GNA13: variants seen among roughly 807,000 people sequenced by gnomAD.
GNA13 encodes the protein G protein subunit alpha 13.
A neutral mutation model predicts 33.5 loss-of-function variants in GNA13; 4 were observed. That is an observed-to-expected ratio of 0.12 (90% CI 0.06 to 0.27). GNA13 has a LOEUF of 0.27. Ranked by LOEUF, GNA13 falls within the 10% of genes least tolerant of loss-of-function variation. GNA13 has a pLI of 1.00. For synonymous variants in GNA13, 176 were observed against 183.8 expected, an observed-to-expected ratio of 0.96 and a Z score of 0.34; for missense variants, 319 against 487.2, an observed-to-expected ratio of 0.65 and a Z score of 3.25.
At position 65,012,927 on chromosome 17, in the gene GNA13, T is replaced by C; in HGVS notation, c.*1330A>G. 1 of 222,400 alleles carries C rather than the reference T, an allele frequency of 4.5e-6. No homozygotes were observed. The highest frequency in any genetic ancestry group is 9.0e-6 in the Non-Finnish European group (1 of 111,260). 13.8% of individuals were successfully genotyped at this position (222,400 alleles called of 1,614,324 possible). A position where few individuals can be genotyped will look rare whatever the true frequency, so the allele number is the denominator to read the frequency against. ...CAGTACTGCAAACCAGCCATTCTGA[T>C]GAGTTCACTATGAATGTATCTGCGA... On this transcript the variant is annotated 3_prime_UTR_variant, in exon 4 of 4. Coordinates refer to ENST00000439174, the MANE Select transcript of GNA13 (RefSeq NM_006572.6).
At position 65,024,963 on chromosome 17, in the gene GNA13, C is replaced by T. The variant is rs187276738; in HGVS notation, c.511-6660G>A. Among the ~76,000 whole-genome samples, 27 of 152,206 alleles carry T rather than the reference C, an allele frequency of 1.8e-4. No homozygotes were observed. The East Asian group carries it at 5.0e-3, about 28-fold the overall frequency. ...TACAGTGGCACAATGTAGCCACTGT[C>T]GAGGCTCACTGTAGCCTTGACCACC... On this transcript the variant is annotated intron_variant, in intron 2 of 3. Transcript: ENST00000439174.
At chr17:65,016,083 T>G (rs1337824989) in intron 3 of GNA13, among the ~76,000 whole-genome samples, 1 of 152,220 alleles carries the variant, frequency 6.6e-6, no homozygotes, top group African/African-American at 2.4e-5. Flanking sequence ...CTCTGGCTAC[T>G]CTGTGATGGC....
chr17:65,034,423 C>T (rs577412641), intron 2 of GNA13, among the ~76,000 whole-genome samples: 5 of 151,036 alleles, frequency 3.3e-5, no homozygotes, highest in East Asian at 3.9e-4. Context: ...CTCAGCCTCC[C>T]GAGTAGCTGG....
chr17:65,039,546 T>C (rs1264880146), intron 2 of GNA13, among the ~76,000 whole-genome samples: 2 of 152,194 alleles, frequency 1.3e-5, no homozygotes, highest in East Asian at 3.8e-4. Context: ...TGACCAGCAG[T>C]AAGTTTTTTT....
chr17:65,021,917 A>T (rs1373410974), intron 2 of GNA13, among the ~76,000 whole-genome samples: 1 of 152,234 alleles, frequency 6.6e-6, no homozygotes, highest in Non-Finnish European at 1.5e-5. Context: ...TCCTCAACAC[A>T]GTACCACTGA....
intron 2 of GNA13, among the ~76,000 whole-genome samples, chr17:65,051,116 C>A (rs1392397708): frequency 6.6e-6 from 1 of 152,168 alleles, no homozygotes; most frequent in Non-Finnish European, 1.5e-5. Context: ...GGACTTAGGG[C>A]AAATACGGAA....
chr17:65,056,249 G>GCCCCCCCCGCC, intron 1 of GNA13, 62 bp downstream of exon 1: 1 of 774,834 alleles, frequency 1.3e-6, no homozygotes, highest in Non-Finnish European at 2.0e-6. Context: ...GCCCCGCCCC[G>GCCCCCCCCGCC]CACCCGCCGC....
In GNA13 at chr17:65,011,020, C is replaced by T. The variant is rs183637284; in HGVS notation, c.*3237G>A. ...TCTTCATATATAAATAAGGCATAATCGGATGTGTATTAATGCTGAAAATAC... is the reference window on the plus strand; with the variant it reads ...TCTTCATATATAAATAAGGCATAATTGGATGTGTATTAATGCTGAAAATAC... On this transcript the variant is annotated 3_prime_UTR_variant, in exon 4 of 4. Transcript: ENST00000439174. The T allele has an allele frequency of 3.0e-5, 6 of 198,156 alleles. No individual in the cohort carries two copies. Among genetic ancestry groups the T allele is most frequent in the South Asian group, 1.9e-4 (1 of 5,214 alleles). 12.3% of individuals were successfully genotyped at this position (198,156 alleles called of 1,614,324 possible). A position where few individuals can be genotyped will look rare whatever the true frequency, so the allele number is the denominator to read the frequency against.
chr17:65,035,379 G>C (rs1303197501), intron 2 of GNA13, among the ~76,000 whole-genome samples: 4 of 152,080 alleles, frequency 2.6e-5, no homozygotes, highest in Non-Finnish European at 5.9e-5. Context: ...AAATGAACAG[G>C]ATATAAAGTT....
intron 2 of GNA13, among the ~76,000 whole-genome samples, chr17:65,049,075 G>A (rs1907770602): frequency 6.6e-6 from 1 of 151,904 alleles, no homozygotes; most frequent in Non-Finnish European, 1.5e-5. Context: ...TTCCCAGAAG[G>A]AACTTAATGT....
intron 2 of GNA13, among the ~76,000 whole-genome samples, chr17:65,018,983 A>G (rs1429611567): frequency 6.6e-6 from 1 of 152,200 alleles, no homozygotes; most frequent in Non-Finnish European, 1.5e-5. Flanking sequence ...GAGGGGAACT[A>G]TTTTGGGAAA....
intron 2 of GNA13, among the ~76,000 whole-genome samples, chr17:65,048,109 C>T (rs1331478906): frequency 6.6e-6 from 1 of 152,182 alleles, no homozygotes; most frequent in Admixed American, 6.5e-5. Context: ...TGTATTAATG[C>T]TGACAATGTT....
In GNA13 at chr17:65,018,264, GT is replaced by G; in HGVS notation, c.549del (p.Lys183AsnfsTer31). ...GTTTAAACACTTACTGGTTCTCCAAGTTTATCCAAGTTATCCAGGAAATATT... is the reference window on the plus strand; with the variant it reads ...GTTTAAACACTTACTGGTTCTCCAAGTTATCCAAGTTATCCAGGAAATATT... The part of the protein sequence containing the change: ...SVKYFLDNLD[K>X]LGEPDYIPSQ... On this transcript the variant is annotated frameshift_variant, in exon 3 of 4. Transcript: ENST00000439174. LOFTEE classifies it high-confidence loss of function. 6.6e-7 allele frequency: 1 copy of G among 1,526,120 alleles called. No individual in the cohort carries two copies. Among genetic ancestry groups the G allele is most frequent in the Non-Finnish European group, 9.1e-7 (1 of 1,099,948 alleles). The allele number at this position is 1,526,120 out of a possible 1,614,324, so 94.5% of individuals were successfully genotyped here.
At chr17:65,055,340 CTTGT>C (rs1037674901) in intron 1 of GNA13, among the ~76,000 whole-genome samples, 8 of 152,202 alleles carry the variant, frequency 5.3e-5, no homozygotes, top group African/African-American at 9.6e-5. Flanking sequence ...AAATAAACAA[CTTGT>C]TTATTTTTCA....
chr17:65,025,980 T>C (rs1906766860), intron 2 of GNA13, among the ~76,000 whole-genome samples: 1 of 151,496 alleles, frequency 6.6e-6, no homozygotes, highest in Non-Finnish European at 1.5e-5. Context: ...GGTAAACAGG[T>C]AAAAAAACTG....
At chr17:65,039,226 T>A (rs1284109402) in intron 2 of GNA13, among the ~76,000 whole-genome samples, 2 of 152,222 alleles carry the variant, frequency 1.3e-5, no homozygotes, top group African/African-American at 4.8e-5. Context: ...CTGAATCCAT[T>A]TTCTTCTCTT....
intron 2 of GNA13, among the ~76,000 whole-genome samples, chr17:65,027,045 T>C (rs1015913362): frequency 2.6e-5 from 4 of 152,218 alleles, no homozygotes; most frequent in African/African-American, 9.6e-5. Flanking sequence ...CCCAAAATGC[T>C]GGGATTACAG....
At chr17:65,028,319 G>C (rs540128396) in intron 2 of GNA13, among the ~76,000 whole-genome samples, 14 of 150,022 alleles carry the variant, frequency 9.3e-5, no homozygotes, top group Non-Finnish European at 1.6e-4. Context: ...TGAGGCAGGA[G>C]AACTGCTTGA....
chr17:65,041,367 C>A (rs907725103), intron 2 of GNA13, among the ~76,000 whole-genome samples: 2 of 150,758 alleles, frequency 1.3e-5, no homozygotes, highest in Middle Eastern at 3.2e-3. Context: ...TCAATACTTT[C>A]TTCTTTGAGG....
Sources: allele counts gnomAD v4.1 joint callset (sites outside exome capture counted in the v4.1 genomes callset), GRCh38; gene constraint gnomAD v4.1.1; transcripts MANE v1.5; gene names NCBI Gene and HGNC (gene_info 2026-07-23, HGNC 2026-07-21).